CYP2A13: variants seen among roughly 807,000 people sequenced by gnomAD.
CYP2A13 encodes cytochrome P450 family 2 subfamily A member 13.
A neutral mutation model predicts 39.4 loss-of-function variants in CYP2A13; 30 were observed. That is an observed-to-expected ratio of 0.76 (90% CI 0.57 to 1.03). The LOEUF is 1.03. CYP2A13 is among the 50% of genes least tolerant of loss of function. The pLI is 0.00. For synonymous variants in CYP2A13, 269 were observed against 254.7 expected, an observed-to-expected ratio of 1.06 and a Z score of -0.54; for missense variants, 731 against 648.4, an observed-to-expected ratio of 1.13 and a Z score of -1.38.
At position 41,094,444 on chromosome 19, in the gene CYP2A13, C is replaced by T; in HGVS notation, c.1161+12C>T. 1 of 1,614,008 alleles carries T rather than the reference C, an allele frequency of 6.2e-7. No homozygotes were observed. Among genetic ancestry groups the T allele is most frequent in the East Asian group, 2.2e-5 (1 of 44,882 alleles). ...TCTTCCTCCCTAAGGTGCTGTCTCCCCTCCACCACCACCACTCAGACTACG... is the reference window on the plus strand; with the variant it reads ...TCTTCCTCCCTAAGGTGCTGTCTCCTCTCCACCACCACCACTCAGACTACG... On this transcript the variant is annotated intron_variant, in intron 7 of 8. Coordinates refer to ENST00000330436, the MANE Select transcript of CYP2A13 (RefSeq NM_000766.5).
chr19:41,088,821 T>A, intron 1 of CYP2A13, 108 bp from the exon 2 acceptor site: 11 of 1,554,482 alleles, frequency 7.1e-6, no homozygotes, highest in Non-Finnish European at 9.6e-6. Context: ...TCCAGCTCCC[T>A]GACTGTGAGA....
chr19:41,088,892 G>C, intron 1 of CYP2A13, 37 bp from the exon 2 acceptor site: 1 of 1,611,152 alleles, frequency 6.2e-7, no homozygotes, highest in South Asian at 1.1e-5. Context: ...CAGAGTGGGG[G>C]CTGCTCCCTC....
In CYP2A13 at chr19:41,095,078, T is replaced by C. The variant is rs765002438; in HGVS notation, c.1281T>C (p.Asp427=). Residue 427 remains aspartate, a synonymous_variant, in exon 8 of 9, where the codon GAT becomes GAC. Coordinates refer to ENST00000330436, the MANE Select transcript of CYP2A13 (RefSeq NM_000766.5). ...LDKKGQFKKS[D]AFVPFSIGKR... is the part of the protein sequence containing the mutation. ...AGAAGGGGCAGTTTAAGAAGAGTGA[T>C]GCTTTTGTGCCCTTTTCCATCGGTA... The C allele has an allele frequency of 2.5e-5, 41 of 1,614,180 alleles. No individual in the cohort carries two copies. Among genetic ancestry groups the C allele is most frequent in the Non-Finnish European group, 3.3e-5 (39 of 1,180,030 alleles).
At position 41,092,053 on chromosome 19, in the gene CYP2A13, GA is replaced by G. The variant is rs1238871237; in HGVS notation, c.831+146del. 6.9e-6 allele frequency: 9 copies of G among 1,304,614 alleles called. No homozygotes were observed. In the Admixed American group the frequency reaches 2.3e-4, roughly 34 times the overall value. 80.8% of individuals were successfully genotyped at this position (1,304,614 alleles called of 1,614,324 possible). ...CAATTGGCCAGGCGCGGTGGCTCATGACCTGTAATCCCAGCACTTTGGGAGG... is the reference window on the plus strand; with the variant it reads ...CAATTGGCCAGGCGCGGTGGCTCATGCCTGTAATCCCAGCACTTTGGGAGG... On this transcript the variant is annotated intron_variant, in intron 5 of 8. Coordinates refer to ENST00000330436, the MANE Select transcript of CYP2A13 (RefSeq NM_000766.5).
chr19:41,090,873 G>A (rs1160705474), intron 4 of CYP2A13, among the ~76,000 whole-genome samples: 1 of 152,182 alleles, frequency 6.6e-6, no homozygotes, highest in Non-Finnish European at 1.5e-5. Flanking sequence ...ATTTGTAACA[G>A]GTGCTCCCTA....
intron 2 of CYP2A13, among the ~76,000 whole-genome samples, 199 bp from the exon 3 acceptor site, chr19:41,089,845 TCTC>T (rs2031136139): frequency 8.3e-6 from 1 of 120,546 alleles, no homozygotes; most frequent in Admixed American, 9.5e-5. Context: ...TCTCTCTCTC[TCTC>T]TCTCTCTCTC....
chr19:41,089,454 C>A (rs1357823903), intron 2 of CYP2A13, among the ~76,000 whole-genome samples: 2 of 152,004 alleles, frequency 1.3e-5, no homozygotes, highest in African/African-American at 2.4e-5. Flanking sequence ...CGTGTTTCTC[C>A]TCTCTCTGCT....
At chr19:41,089,996 C>T (rs769802930) in intron 2 of CYP2A13, 51 bp from the exon 3 acceptor site, 1 of 1,156,458 alleles carries the variant, frequency 8.6e-7, no homozygotes, top group African/African-American at 1.5e-5. Flanking sequence ...TGGTCCGCTC[C>T]TGCTCCCGCC....
At chr19:41,092,618 T>C (rs1460065429) in intron 5 of CYP2A13, among the ~76,000 whole-genome samples, 2 of 152,118 alleles carry the variant, frequency 1.3e-5, no homozygotes, top group Non-Finnish European at 2.9e-5. Context: ...GAAGCCATGG[T>C]CCCCCAAGCT....
chr19:41,095,674 C>G (rs1209756131), intron 8 of CYP2A13, 86 bp from the exon 9 acceptor site: 1 of 1,544,374 alleles, frequency 6.5e-7, no homozygotes, highest in Non-Finnish European at 8.8e-7. Context: ...CCCCTCCTCC[C>G]TAGAGAGTGC....
At chr19:41,092,754 G>A (rs553393530) in intron 5 of CYP2A13, among the ~76,000 whole-genome samples, 6 of 152,248 alleles carry the variant, frequency 3.9e-5, no homozygotes, top group Admixed American at 1.3e-4. Context: ...CAGGGTCCCC[G>A]CCTACCTCTG....
rs201969827 is a variant in CYP2A13, at chr19:41,089,070, G to T, written c.322G>T (p.Asp108Tyr). ...FSGRGEQATF[D>Y]WLFKGYGVAF... ...CGGGCGAGGCGAGCAGGCCACCTTC[G>T]ACTGGCTCTTCAAAGGCTATGGTGA... The change falls in exon 2 of 9, where the codon GAC becomes TAC. Residue 108 changes from aspartate to tyrosine, a missense_variant. Transcript: ENST00000330436. 2 of 1,610,142 alleles carry T rather than the reference G, an allele frequency of 1.2e-6. No homozygotes were observed. Among genetic ancestry groups the T allele is most frequent in the Non-Finnish European group, 1.7e-6 (2 of 1,178,822 alleles).
At chr19:41,094,929 C>T in intron 7 of CYP2A13, 30 bp from the exon 8 acceptor site, 5 of 1,612,984 alleles carry the variant, frequency 3.1e-6, no homozygotes, top group South Asian at 2.2e-5. Flanking sequence ...CAACCTGCCT[C>T]ATTACACACA....
chr19:41,090,022 TC>T, intron 2 of CYP2A13, 24 bp from the exon 3 acceptor site: 1 of 1,607,650 alleles, frequency 6.2e-7, no homozygotes, highest in Non-Finnish European at 8.5e-7. Context: ...CTGACCTCTC[TC>T]CACCCCCGCG....
intron 7 of CYP2A13, 84 bp downstream of exon 7, chr19:41,094,516 G>C: frequency 6.6e-7 from 1 of 1,515,198 alleles, no homozygotes; most frequent in Non-Finnish European, 9.1e-7. Flanking sequence ...GCCCCCATTA[G>C]TGTTCTAGAC....
rs750597373 is a variant in CYP2A13, at chr19:41,089,013, G to C, written c.265G>C (p.Glu89Gln). Reference sequence around the variant, plus strand: ...GCTGTGCGGACATGATGCCGTCAAGGAGGCTCTGGTGGACCAGGCTGAGGA... The same window carrying C: ...GCTGTGCGGACATGATGCCGTCAAGCAGGCTCTGGTGGACCAGGCTGAGGA... ...VVLCGHDAVK[E>Q]ALVDQAEEFS... is the part of the protein sequence containing the mutation. Residue 89 changes from glutamate (E) to glutamine (Q), a missense_variant, in exon 2 of 9, where the codon GAG (glutamate) becomes CAG (glutamine). Transcript: ENST00000330436. 6.8e-6 allele frequency: 11 copies of C among 1,613,832 alleles called. No homozygotes were observed. Among genetic ancestry groups the C allele is most frequent in the Non-Finnish European group, 8.5e-6 (10 of 1,179,856 alleles).
Position 41,088,498 on chromosome 19 carries a change from G to C in CYP2A13, c.27G>C (p.Val9=). The C allele has an allele frequency of 6.2e-7, 1 of 1,613,906 alleles. No individual in the cohort carries two copies. Among genetic ancestry groups the C allele is most frequent in the African/African-American group, 1.3e-5 (1 of 75,044 alleles). The change falls in exon 1 of 9, where the codon GTG becomes GTC. Residue 9 remains valine (V), a synonymous_variant. Coordinates refer to ENST00000330436, the MANE Select transcript of CYP2A13 (RefSeq NM_000766.5). ...TGCTGGCCTCAGGGCTGCTTCTGGT[G>C]ACCTTGCTGGCCTGCCTGACTGTGA... MLASGLLL[V]TLLACLTVMV... is the part of the protein sequence containing the mutation.
At chr19:41,088,888 G>C in intron 1 of CYP2A13, 41 bp from the exon 2 acceptor site, 1 of 1,610,044 alleles carries the variant, frequency 6.2e-7, no homozygotes, top group Non-Finnish European at 8.5e-7. Context: ...CATTCAGAGT[G>C]GGGGCTGCTC....
At chr19:41,089,137 G>C (rs2031110946) in intron 2 of CYP2A13, 46 bp downstream of exon 2, 1 of 1,609,134 alleles carries the variant, frequency 6.2e-7, no homozygotes, top group Non-Finnish European at 8.5e-7. Context: ...TGGATGCAAT[G>C]GTCTCCGTGT....
Sources: gnomAD v4.1 joint callset for allele counts (sites outside exome capture counted in the v4.1 genomes callset) on GRCh38, gnomAD v4.1.1 for gene constraint, MANE v1.5 for transcripts, NCBI Gene and HGNC (gene_info 2026-07-23, HGNC 2026-07-21) for gene names.